OSBPL5: variants seen among roughly 807,000 people sequenced by gnomAD.
OSBPL5 encodes the protein oxysterol binding protein like 5, also known as oxysterol-binding protein-related protein 5.
In OSBPL5, 71 loss-of-function variants were observed where a neutral mutation model predicts 111.2. The observed-to-expected ratio is 0.64, with a 90% CI of 0.53 to 0.78. The LOEUF (loss-of-function observed/expected upper bound fraction) is 0.78, where lower values mean the gene tolerates loss of function less well. Ranked by LOEUF, OSBPL5 falls within the 30% of genes least tolerant of loss-of-function variation. The pLI, the probability that OSBPL5 is intolerant of heterozygous loss-of-function variation, is 0.00. For synonymous variants in OSBPL5, 549 were observed against 513.9 expected, an observed-to-expected ratio of 1.07 and a Z score of -0.93; for missense variants, 1,210 against 1,189.3, an observed-to-expected ratio of 1.02 and a Z score of -0.26.
Position 3,104,208 on chromosome 11 carries a change from G to C in OSBPL5, c.1229C>G (p.Ala410Gly). 1 of 1,610,264 alleles carries C rather than the reference G, an allele frequency of 6.2e-7. No individual in the cohort carries two copies. The highest frequency in any genetic ancestry group is 8.5e-7 in the Non-Finnish European group (1 of 1,177,188). ...LNKLSDYYYH[A>G]DLLSRAAVEE... Reference sequence around the variant, plus strand: ...TGGCGCGCACCTGGAGAGCAGGTCTGCGTGGTAGTAGTAGTCGGAGAGCTT... The same window carrying C: ...TGGCGCGCACCTGGAGAGCAGGTCTCCGTGGTAGTAGTAGTCGGAGAGCTT... The change falls in exon 10 of 22, where the codon GCA becomes GGA. Residue 410 changes from alanine to glycine, a missense_variant. Transcript: ENST00000263650. The surrounding 1 kb of genome is among the most constrained non-coding windows in gnomAD (Gnocchi z 5.0).
chr11:3,093,966 C>CCT, intron 15 of OSBPL5, 131 bp from the exon 16 acceptor site: 1 of 1,146,450 alleles, frequency 8.7e-7, no homozygotes, highest in Non-Finnish European at 1.2e-6. Flanking sequence ...ACCCAACCCT[C>CCT]GCCAACGAGG....
chr11:3,159,740 G>A (rs1846897159), intron 1 of OSBPL5, among the ~76,000 whole-genome samples: 1 of 152,164 alleles, frequency 6.6e-6, no homozygotes, highest in Non-Finnish European at 1.5e-5. Flanking sequence ...CAGGGAGATG[G>A]TGGCTGGAGG....
chr11:3,158,704 C>A (rs574366873), intron 1 of OSBPL5, among the ~76,000 whole-genome samples: 1 of 152,214 alleles, frequency 6.6e-6, no homozygotes. Context: ...GGAGGAAGGA[C>A]GAGAAAGATT....
intron 1 of OSBPL5, among the ~76,000 whole-genome samples, chr11:3,160,672 T>TCCCCCCCCCCCCCCCCCCC (rs71035491): frequency 3.3e-5 from 4 of 122,442 alleles, no homozygotes; most frequent in Non-Finnish European, 5.1e-5. Flanking sequence ...ATGACAACCC[T>TCCCCCCCCCCCCCCCCCCC]CCCCCCCCCC....
In OSBPL5 at chr11:3,107,210, C is replaced by T; in HGVS notation, c.1059+53G>A. 1.3e-6 allele frequency: 2 copies of T among 1,575,398 alleles called. No individual in the cohort carries two copies. The highest frequency in any genetic ancestry group is 1.7e-6 in the Non-Finnish European group (2 of 1,163,418). ...GGCATGGCTACCTCTGCTTCCGGAACAAGGGGCCGAGGCAGGGGAGACGCT... is the reference window on the plus strand; with the variant it reads ...GGCATGGCTACCTCTGCTTCCGGAATAAGGGGCCGAGGCAGGGGAGACGCT... On this transcript the variant is annotated intron_variant, in intron 9 of 21. Transcript: ENST00000263650. The surrounding 1 kb of genome is among the most constrained non-coding windows in gnomAD (Gnocchi z 6.1).
In OSBPL5 at chr11:3,113,653, T is replaced by TC. The variant is rs1249699927; in HGVS notation, c.692-5709dup. ...TGGGAGACTAGAGCAAGACTCCGTCTCAAAAAAAAAAAAATTTATATTGGT... is the reference window on the plus strand; with the variant it reads ...TGGGAGACTAGAGCAAGACTCCGTCTCCAAAAAAAAAAAAATTTATATTGGT... On this transcript the variant is annotated intron_variant, in intron 7 of 21. Coordinates refer to ENST00000263650, the MANE Select transcript of OSBPL5 (RefSeq NM_020896.4). The surrounding 1 kb of genome is among the most constrained non-coding windows in gnomAD (Gnocchi z 4.8). Among the ~76,000 whole-genome samples, 3 of 113,700 alleles carry TC rather than the reference T, an allele frequency of 2.6e-5. No homozygotes were observed. In the Admixed American group the frequency reaches 2.8e-4, roughly 11 times the overall value. 74.6% of individuals were successfully genotyped at this position (113,700 alleles called of 152,430 possible). A position where few individuals can be genotyped will look rare whatever the true frequency, so the allele number is the denominator to read the frequency against.
At chr11:3,144,503 CG>C (rs1846268057) in intron 1 of OSBPL5, among the ~76,000 whole-genome samples, 1 of 152,190 alleles carries the variant, frequency 6.6e-6, no homozygotes, top group South Asian at 2.1e-4. Flanking sequence ...GCTCCGTGGC[CG>C]GGACCAGCTG....
In OSBPL5 at chr11:3,100,273, C is replaced by T; in HGVS notation, c.1523-17G>A. 1 of 1,612,642 alleles carries T rather than the reference C, an allele frequency of 6.2e-7. No individual in the cohort carries two copies. The highest frequency in any genetic ancestry group is 8.5e-7 in the Non-Finnish European group (1 of 1,179,090). ...GCGAGTTCCCTGCAGAGACAAGAGA[C>T]AGCAGGACCAGTGAGTGCGGACAGC... On this transcript the variant is annotated splice_polypyrimidine_tract_variant and intron_variant, in intron 13 of 21. Coordinates refer to ENST00000263650, the MANE Select transcript of OSBPL5 (RefSeq NM_020896.4).
chr11:3,103,843 G>GC (rs1564830606), intron 10 of OSBPL5, among the ~76,000 whole-genome samples: 1 of 74,762 alleles, frequency 1.3e-5, no homozygotes, highest in Admixed American at 1.4e-4. Context: ...AGCCTCTGCA[G>GC]CCCCTTTCCA....
At chr11:3,156,782 C>A (rs1046256352) in intron 1 of OSBPL5, among the ~76,000 whole-genome samples, 1 of 152,280 alleles carries the variant, frequency 6.6e-6, no homozygotes, top group African/African-American at 2.4e-5. Context: ...CACTTCCACA[C>A]AGGCCGAGGG....
intron 1 of OSBPL5, among the ~76,000 whole-genome samples, chr11:3,156,988 C>G (rs867436868): frequency 6.6e-6 from 1 of 152,274 alleles, no homozygotes; most frequent in Admixed American, 6.5e-5. Context: ...CACTGCACCC[C>G]GTCCACAAGG....
Position 3,129,054 on chromosome 11 carries a change from A to G in OSBPL5, c.95T>C (p.Leu32Ser). The change falls in exon 2 of 22, where the codon TTG becomes TCG. Residue 32 changes from leucine (L) to serine (S), a missense_variant. Physicochemically the swap from Leu to Ser is moderately radical, Grantham distance 145. Coordinates refer to ENST00000263650, the MANE Select transcript of OSBPL5 (RefSeq NM_020896.4). Reference sequence around the variant, plus strand: ...GAGCTCATTGTCTCCGCTGAGGAGCAAGTTCCGGGTGAGCTTCCGGGGGTC... The same window carrying G: ...GAGCTCATTGTCTCCGCTGAGGAGCGAGTTCCGGGTGAGCTTCCGGGGGTC... ...KVDPRKLTRN[L>S]LLSGDNELYP... The G allele has an allele frequency of 6.3e-7, 1 of 1,587,386 alleles. No homozygotes were observed. The highest frequency in any genetic ancestry group is 8.6e-7 in the Non-Finnish European group (1 of 1,167,602).
rs543183456 is a variant in OSBPL5, at chr11:3,102,145, C to T, written c.1425+38G>A. 3.2e-6 allele frequency: 5 copies of T among 1,555,546 alleles called. No homozygotes were observed. In the Admixed American group the frequency reaches 5.8e-5, roughly 18 times the overall value. ...CCCCACAGAGCCCCGCCCCATAGAG[C>T]CCAGCACCCAGGCCGGTTGCAGCAG... On this transcript the variant is annotated intron_variant, in intron 12 of 21. Coordinates refer to ENST00000263650, the MANE Select transcript of OSBPL5 (RefSeq NM_020896.4).
Position 3,092,486 on chromosome 11 carries a change from CT to C in OSBPL5, c.2204del (p.Gln735ArgfsTer106). Reference sequence around the variant, plus strand: ...AGGTGGTCTGGCGGGCCACGGCCTCCTGCTGCAAGGTCCGCAGGATCCCGTC... The same window carrying C: ...AGGTGGTCTGGCGGGCCACGGCCTCCGCTGCAAGGTCCGCAGGATCCCGTC... ...EQDGILRTLQ[Q>X]EAVARQTTFL... On this transcript the variant is annotated frameshift_variant, in exon 19 of 22. Transcript: ENST00000263650. LOFTEE classifies it high-confidence loss of function. The surrounding 1 kb of genome is among the most constrained non-coding windows in gnomAD (Gnocchi z 5.4). 1 of 1,576,676 alleles carries C rather than the reference CT, an allele frequency of 6.3e-7. No individual in the cohort carries two copies. Among genetic ancestry groups the C allele is most frequent in the Non-Finnish European group, 8.6e-7 (1 of 1,161,656 alleles).
Position 3,088,102 on chromosome 11 carries a change from G to A in OSBPL5, c.*103C>T, listed in dbSNP as rs1856932988. The A allele has an allele frequency of 7.8e-6, 9 of 1,148,296 alleles. No homozygotes were observed. In the South Asian group the frequency reaches 1.7e-4, roughly 21 times the overall value. 71.1% of individuals were successfully genotyped at this position (1,148,296 alleles called of 1,614,324 possible). On this transcript the variant is annotated 3_prime_UTR_variant, in exon 22 of 22. Transcript: ENST00000263650. ...TGCGCCTGGACTCCCCGTCACAGTG[G>A]CTGTGCTTGCCGGGCCTCTCTGCCT... is the stretch of plus-strand genomic sequence containing the variant.
At chr11:3,101,526 G>C in intron 13 of OSBPL5, 77 bp downstream of exon 13, 1 of 1,353,308 alleles carries the variant, frequency 7.4e-7, no homozygotes, top group Non-Finnish European at 1.0e-6. Context: ...CCAGATCTTG[G>C]TCCACTGGCT....
In OSBPL5 at chr11:3,165,230, C is replaced by T; in HGVS notation, c.-36G>A. 6.6e-6 allele frequency: 1 copy of T among 151,090 alleles called. No individual in the cohort carries two copies. The highest frequency in any genetic ancestry group is 1.5e-5 in the Non-Finnish European group (1 of 67,614). The allele number at this position is 151,090 out of a possible 1,614,324, so 9.4% of individuals were successfully genotyped here. ...CGCGCTCCTACCTCCTACCGTGCCG[C>T]GAGCTCGGTGCTCCGGGCCGGCCGG... On this transcript the variant is annotated 5_prime_UTR_variant, in exon 1 of 22. Coordinates refer to ENST00000263650, the MANE Select transcript of OSBPL5 (RefSeq NM_020896.4). The surrounding 1 kb of genome is among the most constrained non-coding windows in gnomAD (Gnocchi z 7.4).
chr11:3,156,333 C>A (rs1288203764), intron 1 of OSBPL5, among the ~76,000 whole-genome samples: 1 of 152,222 alleles, frequency 6.6e-6, no homozygotes, highest in Non-Finnish European at 1.5e-5. Context: ...GAATACAGAA[C>A]CACACAGACA....
intron 1 of OSBPL5, among the ~76,000 whole-genome samples, chr11:3,145,219 G>C (rs1351828008): frequency 1.3e-5 from 2 of 152,154 alleles, no homozygotes; most frequent in Admixed American, 6.5e-5. Context: ...GCCTGTGGCA[G>C]AGCCACCTTT....
Sources: gnomAD v4.1 joint callset for allele counts (sites outside exome capture counted in the v4.1 genomes callset) on GRCh38, gnomAD v4.1.1 for gene constraint, Gnocchi (gnomAD v3.1) non-coding constraint, MANE v1.5 for transcripts, NCBI Gene and HGNC (gene_info 2026-07-23, HGNC 2026-07-21) for gene names.